ZBTB20: variants seen among roughly 807,000 people sequenced by gnomAD.
The protein encoded by ZBTB20 is zinc finger and BTB domain containing 20.
A neutral mutation model predicts 56.9 loss-of-function variants in ZBTB20; 9 were observed. That is an observed-to-expected ratio of 0.16 (90% confidence interval 0.10 to 0.28). The LOEUF is 0.28. ZBTB20 is among the 10% of genes least tolerant of loss of function. The probability of loss-of-function intolerance (pLI) is 1.00; values close to 1 mark genes in which losing one functional copy is unlikely to be tolerated. For synonymous variants in ZBTB20, 417 were observed against 420.7 expected (o/e 0.99, Z 0.11); for missense variants, 655 against 1,003.0 (o/e 0.65, Z 4.69).
intron 6 of ZBTB20, among the ~76,000 whole-genome samples, chr3:114,530,830 T>A (rs571205731): frequency 9.2e-5 from 14 of 152,266 alleles, no homozygotes; most frequent in African/African-American, 3.4e-4. Context: ...CCTGAAATAC[T>A]TCATCCCTGG....
rs1235156405 is a variant in ZBTB20, at chr3:114,324,892, T to G, written c.*14113A>C. 6.6e-6 allele frequency: 1 copy of G among 152,164 alleles called. No homozygotes were observed. Among genetic ancestry groups the G allele is most frequent in the African/African-American group, 2.4e-5 (1 of 41,454 alleles). The allele number at this position is 152,164 out of a possible 1,614,324, so 9.4% of individuals were successfully genotyped here. ...TCCAAAGGTAAGTCTGCTTGTCTGC[T>G]CATACCCACACATGCATGCTGTAAG... On this transcript the variant is annotated 3_prime_UTR_variant, in exon 12 of 12. Transcript: ENST00000675478.
chr3:114,348,978 T>C (rs953171329), intron 11 of ZBTB20, among the ~76,000 whole-genome samples: 2 of 152,146 alleles, frequency 1.3e-5, no homozygotes, highest in East Asian at 1.9e-4. Context: ...GGCAGGCAGA[T>C]GGCTTGAGCT....
intron 7 of ZBTB20, among the ~76,000 whole-genome samples, chr3:114,489,010 A>G (rs1292409266): frequency 6.6e-6 from 1 of 152,202 alleles, no homozygotes; most frequent in Non-Finnish European, 1.5e-5. Context: ...AAGAGAAAGA[A>G]AAAGAGAAAG....
At chr3:114,715,892 C>G (rs1230252845) in intron 5 of ZBTB20, among the ~76,000 whole-genome samples, 1 of 152,182 alleles carries the variant, frequency 6.6e-6, no homozygotes, top group African/African-American at 2.4e-5. Flanking sequence ...GCCCATTTTA[C>G]AGACTGACAA....
At chr3:114,877,314 T>G (rs2076235595) in intron 4 of ZBTB20, among the ~76,000 whole-genome samples, 1 of 152,198 alleles carries the variant, frequency 6.6e-6, no homozygotes, top group African/African-American at 2.4e-5. Context: ...GAACTGTTGG[T>G]TCCTCTCAAG....
At chr3:114,726,673 G>A (rs2108516867) in intron 5 of ZBTB20, among the ~76,000 whole-genome samples, 1 of 152,200 alleles carries the variant, frequency 6.6e-6, no homozygotes, top group East Asian at 1.9e-4. Flanking sequence ...AGCACTTTGG[G>A]AGGCCAAGGT....
intron 6 of ZBTB20, among the ~76,000 whole-genome samples, chr3:114,656,341 T>C (rs2060404768): frequency 6.6e-6 from 1 of 152,244 alleles, no homozygotes; most frequent in Non-Finnish European, 1.5e-5. Context: ...AAATATCATT[T>C]CTGTCCCATT....
chr3:115,145,898 A>C (rs904767744), intron 1 of ZBTB20, among the ~76,000 whole-genome samples: 2 of 152,266 alleles, frequency 1.3e-5, no homozygotes, highest in Non-Finnish European at 2.9e-5. Context: ...ACTTCAGAAT[A>C]GCGTTCACTT....
chr3:114,477,923 T>TTC (rs1293885427), intron 7 of ZBTB20, among the ~76,000 whole-genome samples: 1 of 81,942 alleles, frequency 1.2e-5, no homozygotes, highest in Non-Finnish European at 3.1e-5. Context: ...CTTTCTTTCT[T>TTC]TCTCTGTCTC....
chr3:114,992,624 C>G (rs967203306), intron 2 of ZBTB20, among the ~76,000 whole-genome samples: 4 of 151,804 alleles, frequency 2.6e-5, no homozygotes, highest in African/African-American at 9.7e-5. Flanking sequence ...TGTGGGGAAA[C>G]AGACAAAGCC....
At chr3:114,837,846 A>G (rs2074195581) in intron 4 of ZBTB20, among the ~76,000 whole-genome samples, 1 of 152,156 alleles carries the variant, frequency 6.6e-6, no homozygotes, top group Non-Finnish European at 1.5e-5. Context: ...GCTGCCTATT[A>G]TAATTGCTTA....
chr3:114,706,918 G>A (rs909458824), intron 5 of ZBTB20, among the ~76,000 whole-genome samples: 1 of 151,872 alleles, frequency 6.6e-6, no homozygotes, highest in African/African-American at 2.4e-5. Flanking sequence ...AAGTAAGAGG[G>A]GAAAAAAAGG....
chr3:114,333,319 G>A lies in ZBTB20; in HGVS notation c.*5686C>T, dbSNP rs139498166. 6.6e-6 allele frequency: 1 copy of A among 152,332 alleles called. No homozygotes were observed. Among genetic ancestry groups the A allele is most frequent in the African/African-American group, 2.4e-5 (1 of 41,570 alleles). 9.4% of individuals were successfully genotyped at this position (152,332 alleles called of 1,614,324 possible). ...CTCTCTCAAGAGCAAGGGCTCTTCC[G>A]TGCCCCTTTTCTGCCTCTGTATGTA... On this transcript the variant is annotated 3_prime_UTR_variant, in exon 12 of 12. Coordinates refer to ENST00000675478, the MANE Select transcript of ZBTB20 (RefSeq NM_001348800.3).
At chr3:115,091,204 C>T (rs950481432) in intron 1 of ZBTB20, among the ~76,000 whole-genome samples, 2 of 151,808 alleles carry the variant, frequency 1.3e-5, no homozygotes, top group Non-Finnish European at 2.9e-5. Flanking sequence ...CCCTATAAGC[C>T]CCTTTGCCTC....
At chr3:114,888,849 A>G (rs2076701972) in intron 4 of ZBTB20, among the ~76,000 whole-genome samples, 1 of 152,112 alleles carries the variant, frequency 6.6e-6, no homozygotes. Flanking sequence ...TAGAAGCAAC[A>G]TTTTAGTTAA....
At chr3:114,340,109 T>C (rs915694358) in intron 11 of ZBTB20, among the ~76,000 whole-genome samples, 20 of 152,282 alleles carry the variant, frequency 1.3e-4, no homozygotes, top group Middle Eastern at 3.4e-3. Flanking sequence ...GAGCTGCAGA[T>C]TGGCCTCATC....
At chr3:114,841,068 G>A in intron 4 of ZBTB20, among the ~76,000 whole-genome samples, 1 of 152,118 alleles carries the variant, frequency 6.6e-6, no homozygotes. Flanking sequence ...CAGGCATTGT[G>A]TTAGGCACTA....
intron 6 of ZBTB20, among the ~76,000 whole-genome samples, chr3:114,626,856 C>T (rs72952602): frequency 0.022 from 3,294 of 152,272 alleles, 108 homozygotes; most frequent in African/African-American, 0.075. Context: ...TCATCGCAGC[C>T]TAATTGATTA....
intron 6 of ZBTB20, among the ~76,000 whole-genome samples, chr3:114,663,285 A>G (rs1004321533): frequency 6.6e-6 from 1 of 151,332 alleles, no homozygotes; most frequent in Non-Finnish European, 1.5e-5. Flanking sequence ...ATCCAGCCAA[A>G]CTATGCTTCA....
Sources: allele counts gnomAD v4.1 joint callset (sites outside exome capture counted in the v4.1 genomes callset), GRCh38; gene constraint gnomAD v4.1.1; transcripts MANE v1.5; gene names NCBI Gene and HGNC (gene_info 2026-07-23, HGNC 2026-07-21).